ZNF804A: variants seen among roughly 807,000 people sequenced by gnomAD.
The protein encoded by ZNF804A is zinc finger protein 804A.
In ZNF804A, 2 loss-of-function variants were observed where a neutral mutation model predicts 16.5. That is an observed-to-expected ratio of 0.12 (90% CI 0.05 to 0.38). The LOEUF is 0.38. ZNF804A is among the 10% of genes least tolerant of loss of function. The pLI is 0.99. For synonymous variants in ZNF804A, 534 were observed against 489.6 expected, an observed-to-expected ratio of 1.09 and a Z score of -1.20; for missense variants, 1,473 against 1,390.7, an observed-to-expected ratio of 1.06 and a Z score of -0.94.
chr2:184,903,773 T>G (rs1033855479), intron 2 of ZNF804A, among the ~76,000 whole-genome samples: 4 of 152,098 alleles, frequency 2.6e-5, no homozygotes, highest in Admixed American at 2.6e-4. Flanking sequence ...ACTTGATGAG[T>G]TTGGACATAT....
At chr2:184,712,352 T>C (rs1204742832) in intron 1 of ZNF804A, among the ~76,000 whole-genome samples, 5 of 151,728 alleles carry the variant, frequency 3.3e-5, no homozygotes, top group African/African-American at 1.2e-4. Flanking sequence ...GAATAGATAA[T>C]CCCATTGTTT....
At chr2:184,798,315 T>C (rs1371093968) in intron 1 of ZNF804A, among the ~76,000 whole-genome samples, 1 of 152,016 alleles carries the variant, frequency 6.6e-6, no homozygotes, top group Non-Finnish European at 1.5e-5. Flanking sequence ...TTTTCCTCGA[T>C]TATTCCCCCA....
At position 184,746,838 on chromosome 2, in the gene ZNF804A, C is replaced by T. The variant is rs115095234; in HGVS notation, c.112-119531C>T. On this transcript the variant is annotated intron_variant, in intron 1 of 3. Coordinates refer to ENST00000302277, the MANE Select transcript of ZNF804A (RefSeq NM_194250.2). Reference sequence around the variant, plus strand: ...TGTTCCTGGCTTAAGTTTCATTTAACGTAATGTTCTCTATTTCCAACCACA... The same window carrying T: ...TGTTCCTGGCTTAAGTTTCATTTAATGTAATGTTCTCTATTTCCAACCACA... 3.5e-3 allele frequency among the ~76,000 whole-genome samples: 529 copies of T among 151,438 alleles called. 5 individuals are homozygous for T. The highest frequency in any genetic ancestry group is 0.012 in the African/African-American group (480 of 41,442).
chr2:184,828,161 T>C (rs912518136), intron 1 of ZNF804A, among the ~76,000 whole-genome samples: 1 of 151,784 alleles, frequency 6.6e-6, no homozygotes, highest in Non-Finnish European at 1.5e-5. Context: ...TATTCCAAAC[T>C]GTAAAAAACA....
At chr2:184,664,085 G>A (rs1207509371) in intron 1 of ZNF804A, among the ~76,000 whole-genome samples, 1 of 152,150 alleles carries the variant, frequency 6.6e-6, no homozygotes, top group Non-Finnish European at 1.5e-5. Context: ...TATTTTGTAT[G>A]TTTTATTATT....
intron 1 of ZNF804A, 104 bp downstream of exon 1, chr2:184,599,174 C>T: frequency 2.2e-6 from 2 of 922,610 alleles, no homozygotes; most frequent in South Asian, 2.9e-5. Context: ...ATAATTTACT[C>T]ATTTTTTTAT....
intron 1 of ZNF804A, among the ~76,000 whole-genome samples, chr2:184,758,949 A>AT (rs1301748190): frequency 6.6e-6 from 1 of 151,826 alleles, no homozygotes; most frequent in Non-Finnish European, 1.5e-5. Flanking sequence ...ATTTTCTCAA[A>AT]TTTTTTGTCA....
intron 1 of ZNF804A, among the ~76,000 whole-genome samples, chr2:184,670,435 A>G (rs1466774309): frequency 6.6e-6 from 1 of 152,008 alleles, no homozygotes; most frequent in Non-Finnish European, 1.5e-5. Flanking sequence ...TCAGTTTCAG[A>G]GCGATGCCTA....
intron 2 of ZNF804A, among the ~76,000 whole-genome samples, chr2:184,887,596 G>T (rs1406538849): frequency 3.3e-5 from 5 of 152,194 alleles, no homozygotes; most frequent in Non-Finnish European, 7.4e-5. Flanking sequence ...TTGGAATCAT[G>T]GTTGGAGGTG....
In ZNF804A at chr2:184,786,396, A is replaced by C. The variant is rs374898931; in HGVS notation, c.112-79973A>C. 4.1e-4 allele frequency among the ~76,000 whole-genome samples: 62 copies of C among 152,162 alleles called. No individual in the cohort carries two copies. The South Asian group carries it at 0.013, about 31-fold the overall frequency. Reference sequence around the variant, plus strand: ...AGACAAAGGATATGAACTACAGTGAAAACTGGAAACTCACTTTGGACTAGT... The same window carrying C: ...AGACAAAGGATATGAACTACAGTGACAACTGGAAACTCACTTTGGACTAGT... On this transcript the variant is annotated intron_variant, in intron 1 of 3. Transcript: ENST00000302277.
intron 1 of ZNF804A, among the ~76,000 whole-genome samples, chr2:184,604,872 G>A (rs1364924793): frequency 1.3e-5 from 2 of 151,930 alleles, no homozygotes; most frequent in Non-Finnish European, 2.9e-5. Context: ...AAATATCTAG[G>A]ATCTCTATCA....
chr2:184,904,446 A>C lies in ZNF804A; in HGVS notation c.256-29157A>C, dbSNP rs189852719. On this transcript the variant is annotated intron_variant, in intron 2 of 3. Transcript: ENST00000302277. ...GGTGCAGATAGAAGCTAAATAGTCG[A>C]CTAAGTTGCTCAATTGTGGCATGGC... Among the ~76,000 whole-genome samples the C allele has an allele frequency of 2.0e-5, 3 of 152,188 alleles. No individual in the cohort carries two copies. In the East Asian group the frequency reaches 5.8e-4, roughly 29 times the overall value.
At chr2:184,895,974 TAAA>T (rs1685058460) in intron 2 of ZNF804A, among the ~76,000 whole-genome samples, 1 of 152,178 alleles carries the variant, frequency 6.6e-6, no homozygotes, top group African/African-American at 2.4e-5. Context: ...TGTTTTAACA[TAAA>T]AACACATTGT....
At chr2:184,606,833 A>G (rs1276976753) in intron 1 of ZNF804A, among the ~76,000 whole-genome samples, 1 of 32,934 alleles carries the variant, frequency 3.0e-5, no homozygotes, top group Non-Finnish European at 5.3e-5. Context: ...AGGTGTGTCT[A>G]CACACACACA....
At chr2:184,723,310 A>G (rs1445789438) in intron 1 of ZNF804A, among the ~76,000 whole-genome samples, 1 of 151,894 alleles carries the variant, frequency 6.6e-6, no homozygotes, top group Non-Finnish European at 1.5e-5. Context: ...GCTCGCGTGT[A>G]TCACTGTGAT....
intron 1 of ZNF804A, among the ~76,000 whole-genome samples, chr2:184,750,345 T>C (rs1693860296): frequency 6.6e-6 from 1 of 151,354 alleles, no homozygotes; most frequent in Non-Finnish European, 1.5e-5. Context: ...AAAATACATA[T>C]TTTCAATATT....
rs752441324 is a variant in ZNF804A at position 184,938,463 on chromosome 2, A to G, written c.3067A>G (p.Ile1023Val). ...TCATACTTTTGTAACAGCTGAGCAA[A>G]TCCTGGCTCCATTAGCTTTACCAGA... ...SGHTFVTAEQILAPLALPEQA... is the reference protein window; with the variant it reads ...SGHTFVTAEQVLAPLALPEQA... Residue 1023 changes from isoleucine (I) to valine (V), a missense_variant, in exon 4 of 4, where the codon ATC (isoleucine) becomes GTC (valine). Physicochemically the swap from Ile to Val is conservative, Grantham distance 29. Transcript: ENST00000302277. 1 of 1,614,070 alleles carries G rather than the reference A, an allele frequency of 6.2e-7. No homozygotes were observed. The highest frequency in any genetic ancestry group is 8.5e-7 in the Non-Finnish European group (1 of 1,180,004).
chr2:184,816,571 T>C (rs1277655818), intron 1 of ZNF804A, among the ~76,000 whole-genome samples: 1 of 152,056 alleles, frequency 6.6e-6, no homozygotes, highest in East Asian at 1.9e-4. Flanking sequence ...TCTTCATGAC[T>C]TCTTTAGAAT....
chr2:184,640,738 G>A (rs747093046), intron 1 of ZNF804A, among the ~76,000 whole-genome samples: 3 of 152,064 alleles, frequency 2.0e-5, no homozygotes, highest in Non-Finnish European at 2.9e-5. Context: ...AAAGACAAAT[G>A]ATTATCACAA....
Sources: allele counts gnomAD v4.1 joint callset (sites outside exome capture counted in the v4.1 genomes callset), GRCh38; gene constraint gnomAD v4.1.1; transcripts MANE v1.5; gene names NCBI Gene and HGNC (gene_info 2026-07-23, HGNC 2026-07-21).